The following DMXL2 variants were observed in gnomAD, a reference collection of about 807,000 sequenced individuals.
DMXL2 encodes the protein dmX-like protein 2.
Under a neutral mutation model 331.1 loss-of-function variants are expected in DMXL2, and 103 were observed. The observed-to-expected ratio is 0.31, with a 90% CI of 0.27 to 0.37. The LOEUF (loss-of-function observed/expected upper bound fraction) is 0.37, where lower values mean the gene tolerates loss of function less well. DMXL2 is among the 10% of genes least tolerant of loss of function. The probability of loss-of-function intolerance (pLI) is 1.00; values close to 1 mark genes in which losing one functional copy is unlikely to be tolerated. For synonymous variants in DMXL2, 1,281 were observed against 1,252.1 expected, an observed-to-expected ratio of 1.02 and a Z score of -0.49; for missense variants, 3,171 against 3,642.9, an observed-to-expected ratio of 0.87 and a Z score of 3.33.
intron 6 of DMXL2, among the ~76,000 whole-genome samples, chr15:51,557,041 A>G (rs2141001480): frequency 7.3e-6 from 1 of 137,558 alleles, no homozygotes; most frequent in Middle Eastern, 3.6e-3. Context: ...GGTCCTAGAC[A>G]CTGCAGTTAA....
At chr15:51,548,078 T>C (rs2048988445) in intron 6 of DMXL2, among the ~76,000 whole-genome samples, 2 of 152,164 alleles carry the variant, frequency 1.3e-5, no homozygotes, top group Admixed American at 6.6e-5. Context: ...ACTTAAAATA[T>C]TTACAAGTAT....
chr15:51,616,728 A>C (rs2054304190), intron 1 of DMXL2, among the ~76,000 whole-genome samples: 1 of 152,148 alleles, frequency 6.6e-6, no homozygotes, highest in Non-Finnish European at 1.5e-5. Context: ...ACTTGAGGTC[A>C]AGAGTTCAAG....
rs1252036908 is a variant in DMXL2, at chr15:51,542,420, C to T, written c.1018G>A (p.Ala340Thr). ...ATGTGTCTTTGAACTTCATGCATTG[C>T]TGTCTGGTCGGGCATTAATTCAGCA... is the stretch of plus-strand genomic sequence containing the variant. ...THAELMPDQT[A>T]MHEVQRHISH... is the part of the protein sequence containing the mutation. The change falls in exon 9 of 44, where the codon GCA (alanine) becomes ACA (threonine). Residue 340 changes from alanine (A) to threonine (T), a missense_variant. This residue lies in a region of DMXL2 where 1,674 missense variants were observed against 1,780.2 expected (regional missense o/e 0.94). Transcript: ENST00000560891. 1 of 1,613,608 alleles carries T rather than the reference C, an allele frequency of 6.2e-7. No homozygotes were observed. The highest frequency in any genetic ancestry group is 2.2e-5 in the East Asian group (1 of 44,860).
chr15:51,568,459 A>G lies in DMXL2; in HGVS notation c.285+28T>C, dbSNP rs779411721. ...GATTCTAAAGTTAACTAGATTCTAAAAGTATTCTATTATTGGTTAATACTT... is the reference window on the plus strand; with the variant it reads ...GATTCTAAAGTTAACTAGATTCTAAGAGTATTCTATTATTGGTTAATACTT... On this transcript the variant is annotated intron_variant, in intron 3 of 43. Transcript: ENST00000560891. 3.2e-5 allele frequency: 45 copies of G among 1,399,940 alleles called. No individual in the cohort carries two copies. In the Admixed American group the frequency reaches 7.7e-4, roughly 24 times the overall value. 86.7% of individuals were successfully genotyped at this position (1,399,940 alleles called of 1,614,324 possible). A position where few individuals can be genotyped will look rare whatever the true frequency, so the allele number is the denominator to read the frequency against.
rs1567022017 is a variant in DMXL2 at position 51,491,594 on chromosome 15, C to T, written c.4937G>A (p.Arg1646Gln). Residue 1646 changes from arginine (R) to glutamine (Q), a missense_variant, in exon 20 of 44, where the codon CGA becomes CAA. Transcript: ENST00000560891. The part of the protein sequence containing the change: ...GWWVRNINTL[R>Q]RCIEKVAKAS... ...AAAAGTTACCTTTTCAATGCATCTT[C>T]GAAGCGTGTTAATGTTCCTCACCCA... 3.1e-6 allele frequency: 5 copies of T among 1,602,074 alleles called. No homozygotes were observed. The highest frequency in any genetic ancestry group is 3.4e-6 in the Non-Finnish European group (4 of 1,176,750).
chr15:51,485,961 CA>C, intron 23 of DMXL2, 111 bp downstream of exon 23: 2 of 1,167,052 alleles, frequency 1.7e-6, no homozygotes, highest in Non-Finnish European at 2.3e-6. Context: ...AATAAATTCT[CA>C]AAGTTGAAAA....
chr15:51,499,594 T>C lies in DMXL2; in HGVS notation c.3630A>G (p.Gly1210=). 1 of 1,614,150 alleles carries C rather than the reference T, an allele frequency of 6.2e-7. No homozygotes were observed. The highest frequency in any genetic ancestry group is 8.5e-7 in the Non-Finnish European group (1 of 1,180,010). The change falls in exon 18 of 44, where the codon GGA becomes GGG. Residue 1210 remains glycine (G), a synonymous_variant. Transcript: ENST00000560891. ...IVTEQTNSKD[G]VAVITLPLGG... is the part of the protein sequence containing the mutation. ...CTAGTGGTAAAGTGATGACAGCTAC[T>C]CCATCCTTACTGTTGGTTTGCTCAG... is the stretch of plus-strand genomic sequence containing the variant.
At chr15:51,535,068 G>A (rs1437261394) in intron 13 of DMXL2, among the ~76,000 whole-genome samples, 1 of 152,060 alleles carries the variant, frequency 6.6e-6, no homozygotes. Context: ...CTACATCTAG[G>A]AGAACATAGT....
chr15:51,612,502 C>T (rs911478956), intron 1 of DMXL2, among the ~76,000 whole-genome samples: 19 of 152,106 alleles, frequency 1.2e-4, no homozygotes, highest in Middle Eastern at 3.4e-3. Context: ...GCTGGGTGTC[C>T]GGGGGAGACA....
At position 51,622,599 on chromosome 15, in the gene DMXL2, T is replaced by G; in HGVS notation, c.-54A>C. On this transcript the variant is annotated 5_prime_UTR_variant, in exon 1 of 44. Transcript: ENST00000560891. ...CGGGAGGTGCGACAAGCTCCGCGCCTGACCCTCCTCGGGCTGCGAGAGCCG... is the reference window on the plus strand; with the variant it reads ...CGGGAGGTGCGACAAGCTCCGCGCCGGACCCTCCTCGGGCTGCGAGAGCCG... 6.6e-7 allele frequency: 1 copy of G among 1,517,626 alleles called. No homozygotes were observed. The highest frequency in any genetic ancestry group is 1.2e-5 in the South Asian group (1 of 81,066). 94.0% of individuals were successfully genotyped at this position (1,517,626 alleles called of 1,614,324 possible).
At chr15:51,617,618 T>C (rs145371197) in intron 1 of DMXL2, among the ~76,000 whole-genome samples, 10 of 152,340 alleles carry the variant, frequency 6.6e-5, no homozygotes, top group African/African-American at 1.9e-4. Flanking sequence ...ACAACCACTT[T>C]ATGTTTCTAG....
intron 6 of DMXL2, among the ~76,000 whole-genome samples, chr15:51,552,877 A>C (rs2049308925): frequency 6.6e-6 from 1 of 152,194 alleles, no homozygotes; most frequent in Non-Finnish European, 1.5e-5. Flanking sequence ...GATGCATCTC[A>C]AACTTTGGTC....
At chr15:51,531,079 T>A (rs1460813589) in intron 13 of DMXL2, among the ~76,000 whole-genome samples, 2 of 152,100 alleles carry the variant, frequency 1.3e-5, no homozygotes. Flanking sequence ...GCCAAAGCTA[T>A]CCTAAGCAAA....
At chr15:51,461,726 T>C (rs1238795248) in intron 33 of DMXL2, among the ~76,000 whole-genome samples, 1 of 152,144 alleles carries the variant, frequency 6.6e-6, no homozygotes, top group Non-Finnish European at 1.5e-5. Context: ...AATTGTTTTG[T>C]ATCTTTTGTA....
intron 13 of DMXL2, among the ~76,000 whole-genome samples, chr15:51,529,092 T>C (rs188910981): frequency 5.7e-4 from 87 of 152,136 alleles, no homozygotes; most frequent in African/African-American, 2.0e-3. Flanking sequence ...CCAAAATCTA[T>C]GGGATACTGC....
chr15:51,501,736 C>T (rs985225852), intron 17 of DMXL2, among the ~76,000 whole-genome samples: 2 of 150,874 alleles, frequency 1.3e-5, no homozygotes, highest in African/African-American at 2.4e-5. Flanking sequence ...CTGACTAACA[C>T]AGTGAAACCC....
At chr15:51,483,267 T>C (rs1349935596) in intron 23 of DMXL2, among the ~76,000 whole-genome samples, 2 of 152,144 alleles carry the variant, frequency 1.3e-5, no homozygotes, top group African/African-American at 4.8e-5. Flanking sequence ...GCACAAGCAC[T>C]ATCTTGAGAC....
intron 6 of DMXL2, among the ~76,000 whole-genome samples, chr15:51,557,850 A>T (rs748625085): frequency 6.6e-6 from 1 of 152,272 alleles, no homozygotes; most frequent in Non-Finnish European, 1.5e-5. Flanking sequence ...ACCTTCTTCA[A>T]ATCACATCTA....
Position 51,458,520 on chromosome 15 carries a change from G to A in DMXL2, c.8184C>T (p.Asp2728=). ...ATGAGACAAACCTTTTGGATTCTCT[G>A]TCATATTCTTCTCCGATCCATATGT... is the stretch of plus-strand genomic sequence containing the variant. The part of the protein sequence containing the change: ...QSYIWIGEEY[D]RESKSSDDVD... The change falls in exon 36 of 44, where the codon GAC becomes GAT. Residue 2728 remains aspartate, a synonymous_variant. Coordinates refer to ENST00000560891, the MANE Select transcript of DMXL2 (RefSeq NM_001378457.1). 1 of 1,613,604 alleles carries A rather than the reference G, an allele frequency of 6.2e-7. No individual in the cohort carries two copies. The highest frequency in any genetic ancestry group is 8.5e-7 in the Non-Finnish European group (1 of 1,179,764).
Sources: gnomAD v4.1 joint callset for allele counts (sites outside exome capture counted in the v4.1 genomes callset) on GRCh38, gnomAD v4.1.1 for gene constraint, gnomAD v4.1.1 regional missense constraint, MANE v1.5 for transcripts, NCBI Gene and HGNC (gene_info 2026-07-23, HGNC 2026-07-21) for gene names.